The following LCOR variants were observed in gnomAD, a reference collection of about 807,000 sequenced individuals.
The protein encoded by LCOR is ligand-dependent corepressor.
LCOR carries 14 observed loss-of-function variants against 64.4 expected under a neutral mutation model. The ratio of observed to expected loss-of-function variants is 0.22; its 90% CI spans 0.14 to 0.34. LCOR has a LOEUF of 0.34. Ranked by LOEUF, LCOR falls within the 10% of genes least tolerant of loss-of-function variation. The probability of loss-of-function intolerance (pLI) is 1.00; values close to 1 mark genes in which losing one functional copy is unlikely to be tolerated. For missense variants in LCOR, 1,686 were observed against 1,765.3 expected, an observed-to-expected ratio of 0.96 and a Z score of 0.80; for synonymous variants, 643 against 642.5, an observed-to-expected ratio of 1.00 and a Z score of -0.01.
At chr10:96,933,190 C>T (rs905236955) in intron 4 of LCOR, among the ~76,000 whole-genome samples, 3 of 152,084 alleles carry the variant, frequency 2.0e-5, no homozygotes, top group Non-Finnish European at 4.4e-5. Flanking sequence ...GGGAATATAT[C>T]AAATGATTGG....
chr10:96,910,020 A>G (rs1477797625), intron 4 of LCOR, among the ~76,000 whole-genome samples: 2 of 152,182 alleles, frequency 1.3e-5, no homozygotes, highest in East Asian at 3.8e-4. Context: ...GTAGTTGTAT[A>G]TAGTATATTC....
chr10:96,957,083 C>A, intron 7 of LCOR: 1 of 985,038 alleles, frequency 1.0e-6, no homozygotes, highest in East Asian at 1.1e-4. Context: ...TCAGTTCTAA[C>A]AATTCAATCA....
rs183934894 is a variant in LCOR at position 96,937,594 on chromosome 10, T to C, written c.-183-6519T>C. Among the ~76,000 whole-genome samples, 233 of 151,448 alleles carry C rather than the reference T, an allele frequency of 1.5e-3. 5 individuals are homozygous for C. Among genetic ancestry groups the C allele is most frequent in the South Asian group, 1.3e-3 (6 of 4,762 alleles). On this transcript the variant is annotated intron_variant, in intron 4 of 7. Coordinates refer to ENST00000421806, the MANE Select transcript of LCOR (RefSeq NM_001346516.2). The stretch of plus-strand genomic sequence containing the variant: ...CTTGAACTCCTGGGCTCAAGCAATC[T>C]GCCCGCCTCGGCCTCCCAAAGTGCT...
intron 7 of LCOR, among the ~76,000 whole-genome samples, chr10:96,968,771 C>CA (rs1400568080): frequency 6.6e-6 from 1 of 152,000 alleles, no homozygotes; most frequent in Non-Finnish European, 1.5e-5. Context: ...CCCATCTCTA[C>CA]AAAAAATCCA....
At chr10:96,862,710 C>T (rs575876646) in intron 2 of LCOR, among the ~76,000 whole-genome samples, 1 of 152,312 alleles carries the variant, frequency 6.6e-6, no homozygotes, top group East Asian at 1.9e-4. Flanking sequence ...CTCCTATCCT[C>T]AAGCTACCTA....
At chr10:96,969,539 T>C (rs1251307413) in intron 7 of LCOR, among the ~76,000 whole-genome samples, 1 of 152,222 alleles carries the variant, frequency 6.6e-6, no homozygotes, top group East Asian at 1.9e-4. Context: ...TTTACATGCT[T>C]TGTAGACTTC....
At position 96,983,162 on chromosome 10, in the gene LCOR, G is replaced by C. The variant is rs182758486; in HGVS notation, c.2702G>C (p.Gly901Ala). The C allele has an allele frequency of 2.1e-4, 331 of 1,614,118 alleles. 2 individuals carry two copies. In the East Asian group the frequency reaches 6.6e-3, roughly 32 times the overall value. ...RPSEKDAEQEGEGGGIITRQT... is the reference protein window; with the variant it reads ...RPSEKDAEQEAEGGGIITRQT... ...TCTGAGAAAGATGCTGAGCAGGAGG[G>C]CGAAGGCGGGGGGATCATCACCAGG... Residue 901 changes from glycine (G) to alanine (A), a missense_variant, in exon 8 of 8, where the codon GGC becomes GCC. By Grantham distance (60) the Gly-to-Ala change is moderately conservative. Transcript: ENST00000421806. This position sits in a 1 kb window ranked among gnomAD's most constrained non-coding sequence, Gnocchi z 4.5.
chr10:96,832,706 C>T (rs1395642835), intron 1 of LCOR, among the ~76,000 whole-genome samples: 2 of 150,874 alleles, frequency 1.3e-5, no homozygotes, highest in Non-Finnish European at 3.0e-5. Context: ...CCTCCCTCCC[C>T]GCTCCCGCCC....
chr10:96,904,249 A>G lies in LCOR; in HGVS notation c.-329-3016A>G, dbSNP rs74939278. On this transcript the variant is annotated intron_variant, in intron 2 of 7. Transcript: ENST00000421806. ...AAGAGTTATCTTGAAGGAGAGAGAT[A>G]CTATATTTTAGCAAAGGTGAGATGC... Among the ~76,000 whole-genome samples, 160 of 152,320 alleles carry G rather than the reference A, an allele frequency of 1.1e-3. 1 individual carries two copies. The East Asian group carries it at 0.024, about 23-fold the overall frequency.
intron 2 of LCOR, among the ~76,000 whole-genome samples, chr10:96,900,965 G>A (rs548117856): frequency 3.8e-4 from 57 of 151,336 alleles, no homozygotes; most frequent in African/African-American, 1.4e-3. Context: ...CAAGGCGGGC[G>A]GATCACGAGT....
intron 4 of LCOR, among the ~76,000 whole-genome samples, chr10:96,937,981 T>C (rs1847381013): frequency 6.6e-6 from 1 of 152,246 alleles, no homozygotes; most frequent in Non-Finnish European, 1.5e-5. Context: ...CGCCCTGGTC[T>C]TGCCCTGTCG....
chr10:96,942,657 T>C (rs1211339529), intron 4 of LCOR, among the ~76,000 whole-genome samples: 2 of 152,220 alleles, frequency 1.3e-5, no homozygotes, highest in Non-Finnish European at 2.9e-5. Flanking sequence ...ATATTTTGGT[T>C]GTGCTTTTAA....
At chr10:96,860,999 T>G (rs1194474082) in intron 2 of LCOR, among the ~76,000 whole-genome samples, 1 of 152,252 alleles carries the variant, frequency 6.6e-6, no homozygotes, top group Non-Finnish European at 1.5e-5. Flanking sequence ...AGTTAATAAC[T>G]TGAACGATAT....
intron 2 of LCOR, among the ~76,000 whole-genome samples, chr10:96,854,766 A>G (rs1465637199): frequency 6.6e-6 from 1 of 152,212 alleles, no homozygotes; most frequent in Non-Finnish European, 1.5e-5. Context: ...AAAATAATTC[A>G]CAGATGTACT....
intron 2 of LCOR, among the ~76,000 whole-genome samples, chr10:96,901,203 T>A (rs1160485287): frequency 6.6e-6 from 1 of 151,726 alleles, no homozygotes; most frequent in Non-Finnish European, 1.5e-5. Flanking sequence ...AATAATAAAA[T>A]AAAAAGAGAT....
At chr10:96,957,921 G>A (rs1275116677) in intron 7 of LCOR, 1 of 986,190 alleles carries the variant, frequency 1.0e-6, no homozygotes, top group Non-Finnish European at 1.2e-6. Flanking sequence ...GGGTTCAATA[G>A]CATTTTATGA....
intron 7 of LCOR, among the ~76,000 whole-genome samples, chr10:96,972,328 C>T (rs538275833): frequency 1.3e-5 from 2 of 152,084 alleles, no homozygotes; most frequent in South Asian, 4.2e-4. Context: ...TTAGATTTTG[C>T]ATAGTCTTAC....
intron 4 of LCOR, among the ~76,000 whole-genome samples, chr10:96,931,508 TA>T (rs1847260717): frequency 6.6e-6 from 1 of 152,170 alleles, no homozygotes; most frequent in South Asian, 2.1e-4. Context: ...GTGCTGGGAT[TA>T]ACAGCATGAG....
rs1404997004 is a variant in LCOR at position 96,995,602 on chromosome 10, T to C, written c.*10468T>C. On this transcript the variant is annotated 3_prime_UTR_variant, in exon 8 of 8. Transcript: ENST00000421806. This position sits in a 1 kb window ranked among gnomAD's most constrained non-coding sequence, Gnocchi z 4.2. Reference sequence around the variant, plus strand: ...TGTATATATAAAATTTTAAAATATATTAAGTTGCTTTAAAACAATATGTAT... The same window carrying C: ...TGTATATATAAAATTTTAAAATATACTAAGTTGCTTTAAAACAATATGTAT... 2 of 152,220 alleles carry C rather than the reference T, an allele frequency of 1.3e-5. No individual in the cohort carries two copies. Among genetic ancestry groups the C allele is most frequent in the Non-Finnish European group, 2.9e-5 (2 of 68,040 alleles). 9.4% of individuals were successfully genotyped at this position (152,220 alleles called of 1,614,324 possible). A position where few individuals can be genotyped will look rare whatever the true frequency, so the allele number is the denominator to read the frequency against.
Sources: allele counts gnomAD v4.1 joint callset (sites outside exome capture counted in the v4.1 genomes callset), GRCh38; gene constraint gnomAD v4.1.1; non-coding constraint Gnocchi (gnomAD v3.1); transcripts MANE v1.5; gene names NCBI Gene and HGNC (gene_info 2026-07-23, HGNC 2026-07-21).